Variants in ARHGAP6 observed in about 807,000 individuals in gnomAD.
The protein encoded by ARHGAP6 is rho GTPase-activating protein 6.
Under a neutral mutation model 55.7 loss-of-function variants are expected in ARHGAP6, and 16 were observed. The observed-to-expected ratio is 0.29, with a 90% CI of 0.19 to 0.44. ARHGAP6 has a LOEUF of 0.44. ARHGAP6 is among the 20% of genes least tolerant of loss of function. ARHGAP6 has a pLI of 1.00. For missense variants in ARHGAP6, 698 were observed against 808.9 expected (o/e 0.86, Z 1.66); for synonymous variants, 382 against 360.9 (o/e 1.06, Z -0.66).
intron 1 of ARHGAP6, among the ~76,000 whole-genome samples, chrX:11,518,003 A>C (rs189981129): frequency 7.6e-4 from 85 of 112,004 alleles, no homozygotes; most frequent in African/African-American, 2.8e-3. Context: ...TAAAAAATTA[A>C]AAATAAAATA....
intron 1 of ARHGAP6, among the ~76,000 whole-genome samples, chrX:11,547,323 A>C (rs2051221370): frequency 8.9e-6 from 1 of 112,213 alleles, no homozygotes; most frequent in Admixed American, 9.4e-5. Context: ...CTTAAATTTG[A>C]ATGTGCATAG....
intron 1 of ARHGAP6, among the ~76,000 whole-genome samples, chrX:11,506,157 G>T (rs190741593): frequency 9.0e-6 from 1 of 111,557 alleles, no homozygotes; most frequent in African/African-American, 3.3e-5. Flanking sequence ...AGTCAGAAGC[G>T]TTTGCTTCTT....
chrX:11,591,374 T>TTAATTATTTAATTAAA (rs1295927997), intron 1 of ARHGAP6, among the ~76,000 whole-genome samples: 1 of 108,387 alleles, frequency 9.2e-6, no homozygotes, highest in Non-Finnish European at 1.9e-5. Context: ...TTTATTAATT[T>TTAATTATTTAATTAAA]TAATTATTTA....
At chrX:11,552,582 A>G (rs2051279482) in intron 1 of ARHGAP6, among the ~76,000 whole-genome samples, 1 of 63,863 alleles carries the variant, frequency 1.6e-5, no homozygotes, top group African/African-American at 6.3e-5. Flanking sequence ...ATATATATAT[A>G]TATATATATA....
intron 1 of ARHGAP6, among the ~76,000 whole-genome samples, chrX:11,259,534 G>C (rs190112197): frequency 1.0e-3 from 114 of 111,939 alleles, no homozygotes; most frequent in Non-Finnish European, 3.2e-4. Flanking sequence ...GAAAATCCAA[G>C]AAGTCCTCCA....
At chrX:11,306,716 T>A (rs894437640) in intron 1 of ARHGAP6, among the ~76,000 whole-genome samples, 1 of 112,406 alleles carries the variant, frequency 8.9e-6, no homozygotes, top group Non-Finnish European at 1.9e-5. Context: ...AATTAAACAA[T>A]CTATAGCTAT....
chrX:11,462,409 C>A (rs759622793), intron 1 of ARHGAP6, among the ~76,000 whole-genome samples: 4 of 112,128 alleles, frequency 3.6e-5, no homozygotes, highest in Non-Finnish European at 7.5e-5. Flanking sequence ...TGTGGGAAAG[C>A]GACCTTTGCA....
At chrX:11,418,397 C>T (rs939369712) in intron 1 of ARHGAP6, among the ~76,000 whole-genome samples, 14 of 111,665 alleles carry the variant, frequency 1.3e-4, no homozygotes, top group African/African-American at 4.2e-4. Context: ...ACAGGTTAGA[C>T]CATTTGTGTT....
intron 1 of ARHGAP6, among the ~76,000 whole-genome samples, chrX:11,517,120 G>A (rs1331831455): frequency 8.9e-6 from 1 of 112,223 alleles, no homozygotes; most frequent in Admixed American, 9.5e-5. Context: ...TAGGTAGACT[G>A]AGGCTGGCTA....
At chrX:11,449,737 C>T (rs1375137246) in intron 1 of ARHGAP6, among the ~76,000 whole-genome samples, 2 of 112,308 alleles carry the variant, frequency 1.8e-5, no homozygotes, top group African/African-American at 6.5e-5. Flanking sequence ...GCTAACAAAG[C>T]CTTAGTAGAT....
chrX:11,365,948 A>T (rs1024140534), intron 1 of ARHGAP6, among the ~76,000 whole-genome samples: 2 of 112,111 alleles, frequency 1.8e-5, no homozygotes, highest in African/African-American at 6.5e-5. Context: ...CTGATGAGGG[A>T]TCTCCTCCTG....
intron 1 of ARHGAP6, among the ~76,000 whole-genome samples, chrX:11,583,410 C>T (rs1047563655): frequency 1.8e-5 from 2 of 112,260 alleles, no homozygotes; most frequent in Non-Finnish European, 3.8e-5. Flanking sequence ...CGATATTAGA[C>T]ACTAGATATT....
At chrX:11,292,404 G>T (rs2048010838) in intron 1 of ARHGAP6, among the ~76,000 whole-genome samples, 1 of 111,910 alleles carries the variant, frequency 8.9e-6, no homozygotes, top group African/African-American at 3.2e-5. Context: ...ATAGGTAGAT[G>T]ATCAGAGGTT....
chrX:11,478,980 G>A (rs907763582), intron 1 of ARHGAP6, among the ~76,000 whole-genome samples: 4 of 112,104 alleles, frequency 3.6e-5, no homozygotes, highest in Admixed American at 9.4e-5. Flanking sequence ...CTGTTTCCTA[G>A]CAGAAATACT....
At chrX:11,575,531 C>A (rs892027778) in intron 1 of ARHGAP6, among the ~76,000 whole-genome samples, 4 of 111,317 alleles carry the variant, frequency 3.6e-5, no homozygotes, top group Non-Finnish European at 7.5e-5. Context: ...AGACAGGTGA[C>A]TCATATCATG....
At chrX:11,456,637 G>C (rs2050196411) in intron 1 of ARHGAP6, among the ~76,000 whole-genome samples, 1 of 111,412 alleles carries the variant, frequency 9.0e-6, no homozygotes, top group Admixed American at 9.6e-5. Context: ...CCCAGCAGAA[G>C]ACAACCCTTC....
intron 1 of ARHGAP6, among the ~76,000 whole-genome samples, chrX:11,573,283 T>C (rs2051551790): frequency 1.8e-5 from 2 of 109,408 alleles, no homozygotes; most frequent in Admixed American, 1.9e-4. Flanking sequence ...TGAATGGTAC[T>C]ACCTAGGTTT....
intron 6 of ARHGAP6, 98 bp from the exon 7 acceptor site, chrX:11,179,550 A>G (rs2046283373): frequency 1.0e-6 from 1 of 1,004,651 alleles, no homozygotes; most frequent in East Asian, 3.3e-5. Context: ...ATCTGGAATT[A>G]AGACTGCACA....
chrX:11,473,370 G>A (rs1298635281), intron 1 of ARHGAP6, among the ~76,000 whole-genome samples: 2 of 112,042 alleles, frequency 1.8e-5, no homozygotes, highest in Non-Finnish European at 3.8e-5. Flanking sequence ...CATGTTACCT[G>A]TGTATGTGAC....
Sources: allele counts gnomAD v4.1 joint callset (sites outside exome capture counted in the v4.1 genomes callset), GRCh38; gene constraint gnomAD v4.1.1; transcripts MANE v1.5; gene names NCBI Gene and HGNC (gene_info 2026-07-23, HGNC 2026-07-21).